The following CSMD1 variants were observed in gnomAD, a reference collection of about 807,000 sequenced individuals.
CSMD1 encodes CUB and sushi domain-containing protein 1.
Under a neutral mutation model 417.5 loss-of-function variants are expected in CSMD1, and 213 were observed. That is an observed-to-expected ratio of 0.51 (90% CI 0.46 to 0.57). The LOEUF is 0.57. Among genes scored for constraint, CSMD1 ranks in the 20% least tolerant of loss-of-function variants. CSMD1 has a pLI of 0.00. For missense variants in CSMD1, 6,923 were observed against 4,529.7 expected (o/e 1.53, Z -15.17); for synonymous variants, 2,862 against 1,736.8 (o/e 1.65, Z -16.11).
chr8:4,402,198 C>T (rs1162954705), intron 3 of CSMD1, among the ~76,000 whole-genome samples: 3 of 152,268 alleles, frequency 2.0e-5, no homozygotes, highest in South Asian at 4.1e-4. Context: ...TTGCGACTTT[C>T]TGACATCCCA....
chr8:3,940,981 TTTTA>T (rs532751420), intron 5 of CSMD1, among the ~76,000 whole-genome samples: 550 of 152,036 alleles, frequency 3.6e-3, no homozygotes, highest in South Asian at 8.1e-3. Context: ...TTTCTACTGT[TTTTA>T]TTTTTTGGAG....
intron 3 of CSMD1, among the ~76,000 whole-genome samples, chr8:4,389,761 C>T (rs533898859): frequency 6.6e-6 from 1 of 152,040 alleles, no homozygotes; most frequent in African/African-American, 2.4e-5. Context: ...ATATTGTTTG[C>T]TTCTTTATTT....
At chr8:4,144,782 C>T (rs1240629452) in intron 3 of CSMD1, among the ~76,000 whole-genome samples, 1 of 150,950 alleles carries the variant, frequency 6.6e-6, no homozygotes, top group Non-Finnish European at 1.5e-5. Flanking sequence ...GATGGATTTA[C>T]CAGGTTGTCA....
intron 11 of CSMD1, among the ~76,000 whole-genome samples, chr8:3,474,768 T>C (rs11780580): frequency 3.3e-5 from 5 of 152,014 alleles, no homozygotes; most frequent in Middle Eastern, 3.2e-3. Flanking sequence ...TCAAAACATA[T>C]AGTTACACAA....
chr8:4,206,852 A>C (rs1800010447), intron 3 of CSMD1, among the ~76,000 whole-genome samples: 1 of 152,218 alleles, frequency 6.6e-6, no homozygotes, highest in South Asian at 2.1e-4. Flanking sequence ...TCCTAGAAGC[A>C]AATTGTTTTA....
In CSMD1 at chr8:3,622,781, C is replaced by G. The variant is rs1242706696; in HGVS notation, c.1010-5984G>C. On this transcript the variant is annotated intron_variant, in intron 7 of 69. Coordinates refer to ENST00000635120, the MANE Select transcript of CSMD1 (RefSeq NM_033225.6). ...CAAGGAAATGATAGCTCCATAAATC[C>G]CAACTATGTATTCCATCCACACCAT... Among the ~76,000 whole-genome samples the G allele has an allele frequency of 3.3e-5, 3 of 90,584 alleles. No individual in the cohort carries two copies. The East Asian group carries it at 7.0e-4, about 21-fold the overall frequency. The allele number at this position is 90,584 out of a possible 152,430, so 59.4% of individuals were successfully genotyped here. A position where few individuals can be genotyped will look rare whatever the true frequency, so the allele number is the denominator to read the frequency against.
chr8:3,627,431 A>G (rs1216465227), intron 7 of CSMD1, among the ~76,000 whole-genome samples: 1 of 152,202 alleles, frequency 6.6e-6, no homozygotes, highest in African/African-American at 2.4e-5. Flanking sequence ...GAAATCACAG[A>G]CATTAACATG....
chr8:4,392,287 C>T (rs1162156458), intron 3 of CSMD1, among the ~76,000 whole-genome samples: 1 of 152,122 alleles, frequency 6.6e-6, no homozygotes, highest in Non-Finnish European at 1.5e-5. Flanking sequence ...ATAATATATC[C>T]TGGAATAAAA....
intron 2 of CSMD1, among the ~76,000 whole-genome samples, chr8:4,471,109 T>C (rs1174717860): frequency 1.3e-5 from 2 of 152,208 alleles, no homozygotes; most frequent in Non-Finnish European, 2.9e-5. Context: ...TTGTGTGAAA[T>C]GTTTAATTTT....
intron 3 of CSMD1, among the ~76,000 whole-genome samples, chr8:4,272,461 T>G (rs1181945059): frequency 6.6e-6 from 1 of 152,142 alleles, no homozygotes; most frequent in Non-Finnish European, 1.5e-5. Context: ...CAGGATTCTA[T>G]GAGTATATAG....
At chr8:3,521,055 C>T (rs1048351096) in intron 10 of CSMD1, among the ~76,000 whole-genome samples, 1 of 152,174 alleles carries the variant, frequency 6.6e-6, no homozygotes, top group Non-Finnish European at 1.5e-5. Context: ...CTTTATGCCT[C>T]CAGTCACACA....
intron 5 of CSMD1, 130 bp downstream of exon 5, chr8:3,997,773 G>C (rs888303001): frequency 2.6e-5 from 20 of 783,660 alleles, no homozygotes; most frequent in Non-Finnish European, 4.0e-5. Context: ...AGCCAAAAGA[G>C]CAAGGCGAAA....
intron 3 of CSMD1, among the ~76,000 whole-genome samples, chr8:4,411,668 A>C (rs1286002614): frequency 1.3e-5 from 2 of 152,168 alleles, no homozygotes; most frequent in Non-Finnish European, 2.9e-5. Context: ...TTCACAATTC[A>C]CATTTTCTCC....
chr8:4,221,288 T>C (rs1801014463), intron 3 of CSMD1, among the ~76,000 whole-genome samples: 1 of 151,490 alleles, frequency 6.6e-6, no homozygotes, highest in Non-Finnish European at 1.5e-5. Flanking sequence ...CAGTTAAACA[T>C]GGCATATTGA....
intron 5 of CSMD1, among the ~76,000 whole-genome samples, chr8:3,941,463 G>A (rs1241912031): frequency 1.3e-5 from 2 of 151,968 alleles, no homozygotes; most frequent in Admixed American, 1.3e-4. Flanking sequence ...AAACACTAAG[G>A]TCCTATTAAA....
intron 3 of CSMD1, among the ~76,000 whole-genome samples, chr8:4,288,021 G>C (rs539525445): frequency 6.6e-6 from 1 of 152,226 alleles, no homozygotes; most frequent in African/African-American, 2.4e-5. Flanking sequence ...GCCTTTTTTA[G>C]CTGCAACCAT....
intron 50 of CSMD1, among the ~76,000 whole-genome samples, chr8:3,031,416 T>G (rs1399224187): frequency 6.6e-6 from 1 of 151,998 alleles, no homozygotes; most frequent in Non-Finnish European, 1.5e-5. Flanking sequence ...TATACATGTG[T>G]AACAAACCTG....
chr8:4,699,170 C>T (rs554509806), intron 1 of CSMD1, among the ~76,000 whole-genome samples: 1 of 152,170 alleles, frequency 6.6e-6, no homozygotes, highest in African/African-American at 2.4e-5. Context: ...GTGTTTCACT[C>T]TGGACCTCTC....
At chr8:3,018,939 A>G (rs1585160894) in intron 51 of CSMD1, among the ~76,000 whole-genome samples, 1 of 152,074 alleles carries the variant, frequency 6.6e-6, no homozygotes, top group Non-Finnish European at 1.5e-5. Flanking sequence ...TGTTGTTGGC[A>G]TGGAGTCTTA....
Sources: gnomAD v4.1 joint callset for allele counts (sites outside exome capture counted in the v4.1 genomes callset) on GRCh38, gnomAD v4.1.1 for gene constraint, MANE v1.5 for transcripts, NCBI Gene and HGNC (gene_info 2026-07-23, HGNC 2026-07-21) for gene names.